The following ABCD3 variants were observed in gnomAD, a reference collection of about 807,000 sequenced individuals.
The protein encoded by ABCD3 is ATP binding cassette subfamily D member 3.
Under a neutral mutation model 105.5 loss-of-function variants are expected in ABCD3, and 41 were observed. The ratio of observed to expected loss-of-function variants is 0.39; its 90% CI spans 0.30 to 0.50. The LOEUF (loss-of-function observed/expected upper bound fraction) is 0.50, where lower values mean the gene tolerates loss of function less well. Among genes scored for constraint, ABCD3 ranks in the 20% least tolerant of loss-of-function variants. The probability of loss-of-function intolerance (pLI) is 0.84; values close to 1 mark genes in which losing one functional copy is unlikely to be tolerated. For missense variants in ABCD3, 622 were observed against 806.3 expected (o/e 0.77, Z 2.77); for synonymous variants, 258 against 269.0 (o/e 0.96, Z 0.40).
chr1:94,420,610 A>G (rs1011635175), intron 1 of ABCD3, among the ~76,000 whole-genome samples: 8 of 152,190 alleles, frequency 5.3e-5, no homozygotes, highest in African/African-American at 1.9e-4. Context: ...GCAGATAATC[A>G]TGAAGTTTAA....
At chr1:94,461,632 C>G (rs1647875127) in intron 2 of ABCD3, among the ~76,000 whole-genome samples, 1 of 151,924 alleles carries the variant, frequency 6.6e-6, no homozygotes, top group Non-Finnish European at 1.5e-5. Flanking sequence ...CTTTCATATT[C>G]TGTTTCTGTG....
chr1:94,488,000 T>C lies in ABCD3; in HGVS notation c.1157+17T>C. 6.3e-7 allele frequency: 1 copy of C among 1,575,960 alleles called. No individual in the cohort carries two copies. The highest frequency in any genetic ancestry group is 8.7e-7 in the Non-Finnish European group (1 of 1,146,000). On this transcript the variant is annotated intron_variant, in intron 13 of 22. Coordinates refer to ENST00000370214, the MANE Select transcript of ABCD3 (RefSeq NM_002858.4). ...ATTGGCCGGGTAAGATTAGTAATAA[T>C]GAGCTGTTGCAGAAAATAATTTTTA...
chr1:94,506,710 GT>G (rs1187566205), intron 21 of ABCD3, 68 bp downstream of exon 21: 1 of 1,174,636 alleles, frequency 8.5e-7, no homozygotes, highest in African/African-American at 1.5e-5. Flanking sequence ...GTCCAAATCT[GT>G]CCAAAGAGAA....
At chr1:94,398,754 A>G in the ABCD3 span, among the ~76,000 whole-genome samples, 2 of 152,220 alleles carry the variant, frequency 1.3e-5, no homozygotes, top group Admixed American at 6.5e-5. Context: ...TCTACTAAAA[A>G]TGCAAAAAAA....
At chr1:94,471,052 T>G (rs555002368) in intron 4 of ABCD3, among the ~76,000 whole-genome samples, 1 of 152,328 alleles carries the variant, frequency 6.6e-6, no homozygotes, top group African/African-American at 2.4e-5. Context: ...CCTTAAACAC[T>G]TACTAGAAGC....
At chr1:94,436,407 ATCT>A (rs1659903639) in intron 1 of ABCD3, among the ~76,000 whole-genome samples, 1 of 152,246 alleles carries the variant, frequency 6.6e-6, no homozygotes, top group East Asian at 1.9e-4. Flanking sequence ...TAATACAAAT[ATCT>A]CTACTATTAA....
At chr1:94,407,414 C>T in the ABCD3 span, among the ~76,000 whole-genome samples, 10 of 152,106 alleles carry the variant, frequency 6.6e-5, no homozygotes, top group South Asian at 4.1e-4. Context: ...CCTCCCAAAG[C>T]GCTGGGATTA....
chr1:94,506,566 A>G lies in ABCD3; in HGVS notation c.1769A>G (p.Gln590Arg). Residue 590 changes from glutamine (Q) to arginine (R), a missense_variant, in exon 21 of 23, where the codon CAG becomes CGG. Around this residue, in one of 4 missense-constraint regions of ABCD3, gnomAD observed 285 missense variants for 352.5 expected, o/e 0.81. Coordinates refer to ENST00000370214, the MANE Select transcript of ABCD3 (RefSeq NM_002858.4). Reference protein sequence around the residue: ...AMARLFYHKPQFAILDECTSA... With the variant: ...AMARLFYHKPRFAILDECTSA... ...GCAAGATTATTTTATCATAAACCCC[A>G]GTTTGCCATTTTGGATGAATGCACA... 6.8e-6 allele frequency: 11 copies of G among 1,612,972 alleles called. No individual in the cohort carries two copies. The highest frequency in any genetic ancestry group is 9.3e-6 in the Non-Finnish European group (11 of 1,179,246).
intron 1 of ABCD3, chr1:94,455,769 A>C (rs1484927178): frequency 1.3e-5 from 14 of 1,115,642 alleles, no homozygotes; most frequent in African/African-American, 1.6e-5. Context: ...AAAGTGATGA[A>C]GTGATGGGAG....
At chr1:94,512,363 C>G (rs910440756) in intron 21 of ABCD3, among the ~76,000 whole-genome samples, 3 of 151,544 alleles carry the variant, frequency 2.0e-5, no homozygotes, top group African/African-American at 7.3e-5. Flanking sequence ...TGTAAAACAA[C>G]ATATTTAAAT....
chr1:94,423,058 T>G (rs1208597156), intron 1 of ABCD3, among the ~76,000 whole-genome samples: 1 of 152,176 alleles, frequency 6.6e-6, no homozygotes, highest in Non-Finnish European at 1.5e-5. Context: ...AATAGGACAG[T>G]TTCTACACTG....
chr1:94,498,589 T>G lies in ABCD3; in HGVS notation c.1387-13T>G. 2 of 1,613,560 alleles carry G rather than the reference T, an allele frequency of 1.2e-6. No individual in the cohort carries two copies. Among genetic ancestry groups the G allele is most frequent in the Non-Finnish European group, 1.7e-6 (2 of 1,179,776 alleles). Reference sequence around the variant, plus strand: ...TTAATTACTTCACAGACTGATTTTTTTTTTTTTTTCAGGTTCGATCTGGGG... The same window carrying G: ...TTAATTACTTCACAGACTGATTTTTGTTTTTTTTTCAGGTTCGATCTGGGG... On this transcript the variant is annotated splice_polypyrimidine_tract_variant and intron_variant, in intron 16 of 22. Transcript: ENST00000370214.
At chr1:94,455,863 C>T (rs71652565) in intron 1 of ABCD3, 2 of 1,235,698 alleles carry the variant, frequency 1.6e-6, no homozygotes, top group Non-Finnish European at 2.1e-6. Flanking sequence ...CTGCATGAAT[C>T]TCCATTTATC....
chr1:94,515,548 T>G (rs975057678), intron 22 of ABCD3, among the ~76,000 whole-genome samples: 3 of 151,866 alleles, frequency 2.0e-5, no homozygotes, highest in Non-Finnish European at 2.9e-5. Flanking sequence ...TGGCAAAAAA[T>G]TTAGGGACAT....
At position 94,426,796 on chromosome 1, in the gene ABCD3, C is replaced by T. The variant is rs184043093; in HGVS notation, c.110+8208C>T. ...CTGACCTCAGGTGATCTGCCTACCT[C>T]GGCCTCCCAAAGTGCTGGGATTACA... is the stretch of plus-strand genomic sequence containing the variant. On this transcript the variant is annotated intron_variant, in intron 1 of 22. Transcript: ENST00000370214. 5.3e-3 allele frequency among the ~76,000 whole-genome samples: 803 copies of T among 151,524 alleles called. 9 individuals carry two copies. Among genetic ancestry groups the T allele is most frequent in the African/African-American group, 0.018 (749 of 41,274 alleles).
chr1:94,470,354 A>G (rs758079457), intron 4 of ABCD3, among the ~76,000 whole-genome samples: 10 of 152,224 alleles, frequency 6.6e-5, no homozygotes, highest in Middle Eastern at 3.2e-3. Context: ...GGGCCCCACC[A>G]CTAGAGATTC....
intron 2 of ABCD3, among the ~76,000 whole-genome samples, chr1:94,459,748 C>G (rs1308522556): frequency 6.6e-6 from 1 of 152,176 alleles, no homozygotes; most frequent in Non-Finnish European, 1.5e-5. Context: ...ATCCTGTACT[C>G]ATTAGCAGTC....
At chr1:94,493,189 C>T (rs551510349) in intron 16 of ABCD3, among the ~76,000 whole-genome samples, 146 of 148,258 alleles carry the variant, frequency 9.8e-4, no homozygotes, top group East Asian at 3.3e-3. Context: ...ATTTTCGCAA[C>T]CTACTCATCT....
intron 16 of ABCD3, among the ~76,000 whole-genome samples, chr1:94,495,304 A>G (rs888249801): frequency 6.6e-6 from 1 of 152,170 alleles, no homozygotes; most frequent in African/African-American, 2.4e-5. Context: ...TGGTAAGAAT[A>G]TGGTAGTTCA....
Sources: allele counts gnomAD v4.1 joint callset (sites outside exome capture counted in the v4.1 genomes callset), GRCh38; gene constraint gnomAD v4.1.1; regional missense constraint gnomAD v4.1.1; transcripts MANE v1.5; gene names NCBI Gene and HGNC (gene_info 2026-07-23, HGNC 2026-07-21).